The following SAMD5 variants were observed in gnomAD, a reference collection of about 807,000 sequenced individuals.
The protein encoded by SAMD5 is sterile alpha motif domain-containing protein 5.
A neutral mutation model predicts 11.3 loss-of-function variants in SAMD5; 13 were observed. That is an observed-to-expected ratio of 1.15 (90% confidence interval 0.75 to 1.83). The LOEUF is 1.83. SAMD5 is among the 40% of genes most tolerant of loss of function. The pLI, the probability that SAMD5 is intolerant of heterozygous loss-of-function variation, is 0.00. For missense variants in SAMD5, 255 were observed against 239.1 expected, an observed-to-expected ratio of 1.07 and a Z score of -0.44; for synonymous variants, 129 against 111.3, an observed-to-expected ratio of 1.16 and a Z score of -1.00.
At chr6:147,579,679 A>C (rs1472218912) in intron 1 of SAMD5, among the ~76,000 whole-genome samples, 1 of 152,014 alleles carries the variant, frequency 6.6e-6, no homozygotes, top group African/African-American at 2.4e-5. Flanking sequence ...CTGGTCTTGA[A>C]TTCCTGGCCT....
chr6:147,701,710 T>C (rs752318635), intron 1 of SAMD5, among the ~76,000 whole-genome samples: 2 of 152,150 alleles, frequency 1.3e-5, no homozygotes, highest in African/African-American at 2.4e-5. Context: ...GGGTTCATTT[T>C]ATTTTGATTA....
At chr6:147,539,549 C>T (rs115732040) in intron 1 of SAMD5, among the ~76,000 whole-genome samples, 106 of 152,104 alleles carry the variant, frequency 7.0e-4, no homozygotes, top group African/African-American at 2.4e-3. Flanking sequence ...GGGATTTATC[C>T]GCTTTTAATT....
chr6:147,814,363 A>G, the SAMD5 span, among the ~76,000 whole-genome samples: 1 of 152,224 alleles, frequency 6.6e-6, no homozygotes, highest in Non-Finnish European at 1.5e-5. Context: ...GATGTTAATG[A>G]GGTGATAAAT....
the SAMD5 span, among the ~76,000 whole-genome samples, chr6:147,813,206 A>G: frequency 6.6e-6 from 1 of 152,372 alleles, no homozygotes; most frequent in Non-Finnish European, 1.5e-5. Context: ...ACACGAGAGT[A>G]GGTGCATTGG....
the SAMD5 span, among the ~76,000 whole-genome samples, chr6:147,879,934 C>T: frequency 6.6e-6 from 1 of 152,146 alleles, no homozygotes; most frequent in African/African-American, 2.4e-5. Context: ...TACCTTGTTC[C>T]TGCTCTGTCA....
At chr6:147,733,630 T>A (rs529948798) in intron 1 of SAMD5, 1 of 172,476 alleles carries the variant, frequency 5.8e-6, no homozygotes, top group East Asian at 1.9e-4. Flanking sequence ...AGGTAGAACT[T>A]TGATAACCAT....
the SAMD5 span, among the ~76,000 whole-genome samples, chr6:147,927,636 T>G: frequency 6.6e-6 from 1 of 152,216 alleles, no homozygotes; most frequent in Non-Finnish European, 1.5e-5. Flanking sequence ...ACATCCTTTC[T>G]TCCTACTTGG....
chr6:147,614,804 T>G (rs955996683), intron 1 of SAMD5, among the ~76,000 whole-genome samples: 5 of 151,996 alleles, frequency 3.3e-5, no homozygotes, highest in African/African-American at 1.2e-4. Context: ...CATACTTACT[T>G]CACTCAAGGT....
chr6:147,700,310 A>G (rs1791234955), intron 1 of SAMD5, among the ~76,000 whole-genome samples: 1 of 152,172 alleles, frequency 6.6e-6, no homozygotes, highest in Admixed American at 6.5e-5. Context: ...CTCTTTAGAG[A>G]TCAGAAAACT....
chr6:147,641,830 A>C (rs1424359474), intron 1 of SAMD5, among the ~76,000 whole-genome samples: 1 of 152,176 alleles, frequency 6.6e-6, no homozygotes, highest in Non-Finnish European at 1.5e-5. Flanking sequence ...GTTTTGAAGT[A>C]ATCTTGTTTG....
the SAMD5 span, among the ~76,000 whole-genome samples, chr6:147,744,060 A>C: frequency 1.3e-5 from 2 of 152,226 alleles, no homozygotes; most frequent in Non-Finnish European, 2.9e-5. Flanking sequence ...AATGTATGGA[A>C]TAGTCAAACT....
chr6:147,563,355 G>GAGCTTACA (rs1206197862), intron 1 of SAMD5, among the ~76,000 whole-genome samples: 3 of 152,066 alleles, frequency 2.0e-5, no homozygotes, highest in Non-Finnish European at 4.4e-5. Flanking sequence ...TATTTTTTGG[G>GAGCTTACA]AGCTTACAAG....
At chr6:147,660,851 T>A (rs186521626) in intron 1 of SAMD5, 68 of 152,346 alleles carry the variant, frequency 4.5e-4, no homozygotes, top group African/African-American at 1.5e-3. Flanking sequence ...TCATTATAAA[T>A]TAGCCAGTCT....
the SAMD5 span, among the ~76,000 whole-genome samples, chr6:147,915,169 T>C: frequency 6.6e-6 from 1 of 152,226 alleles, no homozygotes; most frequent in Non-Finnish European, 1.5e-5. Flanking sequence ...CAGAAGTTGA[T>C]AGCTTTTCTG....
intron 1 of SAMD5, among the ~76,000 whole-genome samples, chr6:147,604,218 T>TC (rs1272742472): frequency 6.6e-6 from 1 of 151,926 alleles, no homozygotes; most frequent in African/African-American, 2.4e-5. Flanking sequence ...ACTTTTTTTT[T>TC]TTTTACTAAA....
chr6:147,589,196 C>A (rs1789418820), intron 1 of SAMD5, among the ~76,000 whole-genome samples: 1 of 152,002 alleles, frequency 6.6e-6, no homozygotes, highest in South Asian at 2.1e-4. Context: ...TAGGCTCAAG[C>A]AATCCTCCTG....
the SAMD5 span, among the ~76,000 whole-genome samples, chr6:147,864,184 A>G: frequency 2.6e-5 from 4 of 151,932 alleles, no homozygotes; most frequent in African/African-American, 9.7e-5. Context: ...ATCTTCACCT[A>G]TGTGTGTGGA....
the SAMD5 span, among the ~76,000 whole-genome samples, chr6:147,938,588 G>A: frequency 6.6e-6 from 1 of 152,156 alleles, no homozygotes; most frequent in East Asian, 1.9e-4. Context: ...TACCCACAAG[G>A]GAAGGCCTTG....
At chr6:147,897,212 T>G in the SAMD5 span, among the ~76,000 whole-genome samples, 2 of 152,190 alleles carry the variant, frequency 1.3e-5, no homozygotes, top group Non-Finnish European at 2.9e-5. Context: ...AGCCCCAGCT[T>G]TACATGCTTA....
Sources: allele counts gnomAD v4.1 joint callset (sites outside exome capture counted in the v4.1 genomes callset), GRCh38; gene constraint gnomAD v4.1.1; transcripts MANE v1.5; gene names NCBI Gene and HGNC (gene_info 2026-07-23, HGNC 2026-07-21).